The following ZNF324 variants were observed in gnomAD, a reference collection of about 807,000 sequenced individuals.
ZNF324 encodes the protein zinc finger protein 324A.
A neutral mutation model predicts 10.3 loss-of-function variants in ZNF324; 3 were observed. The ratio of observed to expected loss-of-function variants is 0.29; its 90% CI spans 0.13 to 0.75. The LOEUF (loss-of-function observed/expected upper bound fraction) is 0.75, where lower values mean the gene tolerates loss of function less well. Among genes scored for constraint, ZNF324 ranks in the 30% least tolerant of loss-of-function variants. The pLI, the probability that ZNF324 is intolerant of heterozygous loss-of-function variation, is 0.69. For synonymous variants in ZNF324, 430 were observed against 339.5 expected, an observed-to-expected ratio of 1.27 and a Z score of -2.93; for missense variants, 763 against 784.4, an observed-to-expected ratio of 0.97 and a Z score of 0.33.
At chr19:58,468,751 G>A (rs2053002897) in intron 1 of ZNF324, among the ~76,000 whole-genome samples, 2 of 152,122 alleles carry the variant, frequency 1.3e-5, no homozygotes, top group African/African-American at 2.4e-5. Flanking sequence ...CAGTGGGGAG[G>A]CCAAGAAGGC....
chr19:58,471,060 A>G lies in ZNF324; in HGVS notation c.568A>G (p.Arg190Gly), dbSNP rs773250524. 222 of 1,613,912 alleles carry G rather than the reference A, an allele frequency of 1.4e-4. 3 individuals are homozygous for G. Among genetic ancestry groups the G allele is most frequent in the South Asian group, 1.1e-3 (104 of 91,082 alleles). Residue 190 changes from arginine to glycine, a missense_variant, in exon 4 of 4, where the codon AGG (arginine) becomes GGG (glycine). Coordinates refer to ENST00000196482, the MANE Select transcript of ZNF324 (RefSeq NM_014347.3). The part of the protein sequence containing the change: ...TEHALLGRQP[R>G]TPERQKPCAQ... ...GCATGCGTTGCTGGGGAGGCAGCCCAGGACGCCTGAGCGGCAGAAACCATG... is the reference window on the plus strand; with the variant it reads ...GCATGCGTTGCTGGGGAGGCAGCCCGGGACGCCTGAGCGGCAGAAACCATG...
chr19:58,471,599 T>C lies in ZNF324; in HGVS notation c.1107T>C (p.Tyr369=), dbSNP rs777673793. ...HRKIHAGGRP[Y]ACAQCGRRFC... is the part of the protein sequence containing the mutation. ...AGATCCACGCGGGTGGGCGTCCTTA[T>C]GCTTGCGCACAGTGTGGCCGCCGCT... Residue 369 remains tyrosine (Y), a synonymous_variant, in exon 4 of 4, where the codon TAT becomes TAC. Coordinates refer to ENST00000196482, the MANE Select transcript of ZNF324 (RefSeq NM_014347.3). 7 of 1,603,480 alleles carry C rather than the reference T, an allele frequency of 4.4e-6. No individual in the cohort carries two copies. The highest frequency in any genetic ancestry group is 2.0e-4 in the Middle Eastern group (1 of 5,076).
Position 58,469,065 on chromosome 19 carries a change from AATGTATTTT to A in ZNF324, c.-6-110_-6-102del, listed in dbSNP as rs1487990799. ...TAGCTCATCAGCTGTTATTAGTGTTAATGTATTTTATGTGTTGCCCAAGACAATTCTTCT... is the reference window on the plus strand; with the variant it reads ...TAGCTCATCAGCTGTTATTAGTGTTAATGTGTTGCCCAAGACAATTCTTCT... On this transcript the variant is annotated intron_variant, in intron 1 of 3. Coordinates refer to ENST00000196482, the MANE Select transcript of ZNF324 (RefSeq NM_014347.3). 10 of 1,229,942 alleles carry A rather than the reference AATGTATTTT, an allele frequency of 8.1e-6. No homozygotes were observed. In the African/African-American group the frequency reaches 1.4e-4, roughly 17 times the overall value. The allele number at this position is 1,229,942 out of a possible 1,614,324, so 76.2% of individuals were successfully genotyped here.
chr19:58,471,140 C>T lies in ZNF324; in HGVS notation c.648C>T (p.Ala216=), dbSNP rs750955484. The T allele has an allele frequency of 5.0e-6, 8 of 1,613,778 alleles. No individual in the cohort carries two copies. The highest frequency in any genetic ancestry group is 2.2e-5 in the East Asian group (1 of 44,888). The change falls in exon 4 of 4, where the codon GCC becomes GCT. Residue 216 remains alanine (A), a synonymous_variant. Coordinates refer to ENST00000196482, the MANE Select transcript of ZNF324 (RefSeq NM_014347.3). ...TFGSAQDLEA[A]GGRGHHRMGA... is the part of the protein sequence containing the mutation. ...GGAGCGCCCAGGACCTGGAGGCTGC[C>T]GGCGGTCGGGGACATCACCGAATGG...
At position 58,472,332 on chromosome 19, in the gene ZNF324, C is replaced by G; in HGVS notation, c.*178C>G. On this transcript the variant is annotated 3_prime_UTR_variant, in exon 4 of 4. Coordinates refer to ENST00000196482, the MANE Select transcript of ZNF324 (RefSeq NM_014347.3). ...AGGATTTGCCAGTTCACCCACAGAT[C>G]ACACCTCCATCCCCAAAGAGGTAGC... 3.1e-6 allele frequency: 2 copies of G among 652,844 alleles called. No individual in the cohort carries two copies. Among genetic ancestry groups the G allele is most frequent in the East Asian group, 2.8e-5 (1 of 36,192 alleles). The allele number at this position is 652,844 out of a possible 1,614,324, so 40.4% of individuals were successfully genotyped here.
Position 58,470,862 on chromosome 19 carries a change from A to C in ZNF324, c.370A>C (p.Arg124=), listed in dbSNP as rs536279561. 1.4e-4 allele frequency: 226 copies of C among 1,614,078 alleles called. No homozygotes were observed. The highest frequency in any genetic ancestry group is 1.8e-4 in the Non-Finnish European group (212 of 1,180,030). Residue 124 remains arginine (R), a synonymous_variant, in exon 4 of 4, where the codon AGA becomes CGA. Coordinates refer to ENST00000196482, the MANE Select transcript of ZNF324 (RefSeq NM_014347.3). ...CTGCCACAGTGTAAAAAGCCTGCAGAGACAACGGGGTGCCTCCCCATCTCG... is the reference window on the plus strand; with the variant it reads ...CTGCCACAGTGTAAAAAGCCTGCAGCGACAACGGGGTGCCTCCCCATCTCG... ...GACHSVKSLQ[R]QRGASPSRER...
Position 58,473,051 on chromosome 19 carries a change from T to G in ZNF324, c.*897T>G, listed in dbSNP as rs2053052053. ...TCTCAGCTTGGCCAAGGCCTGTCAC[T>G]GACTGGTTTACCAAAGTCGATGTGA... is the stretch of plus-strand genomic sequence containing the variant. On this transcript the variant is annotated 3_prime_UTR_variant, in exon 4 of 4. Coordinates refer to ENST00000196482, the MANE Select transcript of ZNF324 (RefSeq NM_014347.3). 2 of 152,710 alleles carry G rather than the reference T, an allele frequency of 1.3e-5. No individual in the cohort carries two copies. 9.5% of individuals were successfully genotyped at this position (152,710 alleles called of 1,614,324 possible). A position where few individuals can be genotyped will look rare whatever the true frequency, so the allele number is the denominator to read the frequency against.
In ZNF324 at chr19:58,471,200, T is replaced by G. The variant is rs536212959; in HGVS notation, c.708T>G (p.Gly236=). The G allele has an allele frequency of 6.2e-7, 1 of 1,613,346 alleles. No homozygotes were observed. The highest frequency in any genetic ancestry group is 1.3e-5 in the African/African-American group (1 of 75,040). ...GGCAGGAGCCTCATAGACTCCTCGG[T>G]GGCCAGGAGCCCTCGACCTGGGACG... ...AVWQEPHRLL[G]GQEPSTWDEL... is the part of the protein sequence containing the mutation. The change falls in exon 4 of 4, where the codon GGT becomes GGG. Residue 236 remains glycine (G), a synonymous_variant. Transcript: ENST00000196482.
At chr19:58,469,078 T>C in intron 1 of ZNF324, 102 bp from the exon 2 acceptor site, 5 of 1,412,606 alleles carry the variant, frequency 3.5e-6, no homozygotes, top group Non-Finnish European at 4.9e-6. Flanking sequence ...GTATTTTATG[T>C]GTTGCCCAAG....
chr19:58,470,549 CA>C, intron 3 of ZNF324, 181 bp from the exon 4 acceptor site: 1 of 756,164 alleles, frequency 1.3e-6, no homozygotes, highest in Non-Finnish European at 2.3e-6. Flanking sequence ...TAGTCAGTGC[CA>C]TACCTATCAG....
rs1406921807 is a variant in ZNF324 at position 58,469,046 on chromosome 19, A to T, written c.-6-134A>T. 3 of 1,007,390 alleles carry T rather than the reference A, an allele frequency of 3.0e-6. No homozygotes were observed. The Admixed American group carries it at 7.6e-5, about 26-fold the overall frequency. The allele number at this position is 1,007,390 out of a possible 1,614,324, so 62.4% of individuals were successfully genotyped here. ...ATGCAATTTTTATTTTTTTTAGCTC[A>T]TCAGCTGTTATTAGTGTTAATGTAT... On this transcript the variant is annotated intron_variant, in intron 1 of 3. Transcript: ENST00000196482.
At position 58,470,775 on chromosome 19, in the gene ZNF324, C is replaced by T. The variant is rs1398322728; in HGVS notation, c.283C>T (p.Pro95Ser). The T allele has an allele frequency of 1.2e-6, 2 of 1,614,102 alleles. No individual in the cohort carries two copies. Among genetic ancestry groups the T allele is most frequent in the East Asian group, 2.2e-5 (1 of 44,900 alleles). Residue 95 changes from proline to serine, a missense_variant, in exon 4 of 4, where the codon CCA becomes TCA. Pro to Ser is a moderately conservative substitution (Grantham distance 74). Transcript: ENST00000196482. Reference sequence around the variant, plus strand: ...GGATAGAGATGTTTCTGGAGAATGGCCACGAGCTTTCCCAGATACCCCACC... The same window carrying T: ...GGATAGAGATGTTTCTGGAGAATGGTCACGAGCTTTCCCAGATACCCCACC... ...TEDRDVSGEW[P>S]RAFPDTPPGM...
chr19:58,469,914 G>A, intron 3 of ZNF324, 70 bp downstream of exon 3: 1 of 1,303,278 alleles, frequency 7.7e-7, no homozygotes, highest in Non-Finnish European at 1.1e-6. Context: ...CTGGTTCCCA[G>A]ACTCCCCAGA....
chr19:58,470,939 A>G lies in ZNF324; in HGVS notation c.447A>G (p.Leu149=), dbSNP rs761058570. The G allele has an allele frequency of 1.6e-5, 26 of 1,614,094 alleles. No individual in the cohort carries two copies. Among genetic ancestry groups the G allele is most frequent in the African/African-American group, 1.3e-4 (10 of 74,938 alleles). Residue 149 remains leucine (L), a synonymous_variant, in exon 4 of 4, where the codon CTA becomes CTG. Coordinates refer to ENST00000196482, the MANE Select transcript of ZNF324 (RefSeq NM_014347.3). ...VSVIYWERLL[L]GSGSGQASVS... ...TGATCTACTGGGAGAGGCTCCTGCT[A>G]GGCTCAGGCAGTGGGCAAGCCAGCG...
rs2053059354 is a variant in ZNF324 at position 58,473,904 on chromosome 19, G to A, written c.*1750G>A. The stretch of plus-strand genomic sequence containing the variant: ...GATCCTGGCAATGGGAGGATGGTAG[G>A]TGGAGAAACCAAGGCAGGGCTGTGT... On this transcript the variant is annotated 3_prime_UTR_variant, in exon 4 of 4. Coordinates refer to ENST00000196482, the MANE Select transcript of ZNF324 (RefSeq NM_014347.3). 1 of 152,386 alleles carries A rather than the reference G, an allele frequency of 6.6e-6. No homozygotes were observed. Among genetic ancestry groups the A allele is most frequent in the South Asian group, 2.1e-4 (1 of 4,840 alleles). 9.4% of individuals were successfully genotyped at this position (152,386 alleles called of 1,614,324 possible).
rs1297561328 is a variant in ZNF324 at position 58,469,743 on chromosome 19, G to C, written c.137G>C (p.Arg46Pro). ...CTCCTCACAGGACTCTCCACCTCTC[G>C]ACCTCGTGTGGTCATCCAACTGGAG... Reference protein sequence around the residue: ...LVASLGLSTSRPRVVIQLERG... With the variant: ...LVASLGLSTSPPRVVIQLERG... The change falls in exon 3 of 4, where the codon CGA becomes CCA. Residue 46 changes from arginine (R) to proline (P), a missense_variant. Physicochemically the swap from Arg to Pro is moderately radical, Grantham distance 103. This residue lies in a region of ZNF324 where 379 missense variants were observed against 319.4 expected (regional missense o/e 1.19). Transcript: ENST00000196482. 5 of 1,579,110 alleles carry C rather than the reference G, an allele frequency of 3.2e-6. No homozygotes were observed. Among genetic ancestry groups the C allele is most frequent in the Non-Finnish European group, 4.3e-6 (5 of 1,162,550 alleles).
In ZNF324 at chr19:58,472,887, CACACG is replaced by C. The variant is rs2053049990; in HGVS notation, c.*734_*738del. ...GACTTGGAAGATGAGGAAACTGAGG[CACACG>C]GCCTGGCCTGGCTTCACACACATAG... On this transcript the variant is annotated 3_prime_UTR_variant, in exon 4 of 4. Coordinates refer to ENST00000196482, the MANE Select transcript of ZNF324 (RefSeq NM_014347.3). 6.5e-6 allele frequency: 1 copy of C among 152,770 alleles called. No homozygotes were observed. The highest frequency in any genetic ancestry group is 1.5e-5 in the Non-Finnish European group (1 of 68,224). 9.5% of individuals were successfully genotyped at this position (152,770 alleles called of 1,614,324 possible).
In ZNF324 at chr19:58,470,997, C is replaced by T. The variant is rs142295031; in HGVS notation, c.505C>T (p.Pro169Ser). 41 of 1,614,088 alleles carry T rather than the reference C, an allele frequency of 2.5e-5. No homozygotes were observed. In the African/African-American group the frequency reaches 5.3e-4, roughly 21 times the overall value. ...SLRLTSPLRP[P>S]EGVRLREKTL... ...GCGACTGACCTCCCCGCTTAGGCCTCCCGAGGGCGTCCGGCTTAGAGAAAA... is the reference window on the plus strand; with the variant it reads ...GCGACTGACCTCCCCGCTTAGGCCTTCCGAGGGCGTCCGGCTTAGAGAAAA... Residue 169 changes from proline to serine, a missense_variant, in exon 4 of 4, where the codon CCC (proline) becomes TCC (serine). By Grantham distance (74) the Pro-to-Ser change is moderately conservative (BLOSUM62 -1). Coordinates refer to ENST00000196482, the MANE Select transcript of ZNF324 (RefSeq NM_014347.3).
Position 58,471,653 on chromosome 19 carries a change from C to T in ZNF324, c.1161C>T (p.His387=), listed in dbSNP as rs2053034186. 1.2e-6 allele frequency: 2 copies of T among 1,611,892 alleles called. No individual in the cohort carries two copies. The highest frequency in any genetic ancestry group is 1.7e-6 in the Non-Finnish European group (2 of 1,179,808). ...GCCGCAACTCGCACCTGATCCAGCA[C>T]GAGCGTACGCACACAGGCGAGAAGC... is the stretch of plus-strand genomic sequence containing the variant. The part of the protein sequence containing the change: ...RFCRNSHLIQ[H]ERTHTGEKPF... Residue 387 remains histidine (H), a synonymous_variant, in exon 4 of 4, where the codon CAC becomes CAT. Transcript: ENST00000196482.
Sources: gnomAD v4.1 joint callset for allele counts (sites outside exome capture counted in the v4.1 genomes callset) on GRCh38, gnomAD v4.1.1 for gene constraint, gnomAD v4.1.1 regional missense constraint, MANE v1.5 for transcripts, NCBI Gene and HGNC (gene_info 2026-07-23, HGNC 2026-07-21) for gene names.